GPM6B: variants seen among roughly 807,000 people sequenced by gnomAD.
The protein encoded by GPM6B is neuronal membrane glycoprotein M6-b.
In GPM6B, 4 loss-of-function variants were observed where a neutral mutation model predicts 27.2. The observed-to-expected ratio is 0.15, with a 90% CI of 0.07 to 0.34. GPM6B has a LOEUF of 0.34. Among genes scored for constraint, GPM6B ranks in the 10% least tolerant of loss-of-function variants. The pLI, the probability that GPM6B is intolerant of heterozygous loss-of-function variation, is 1.00. For synonymous variants in GPM6B, 124 were observed against 103.1 expected, an observed-to-expected ratio of 1.20 and a Z score of -1.23; for missense variants, 183 against 261.9, an observed-to-expected ratio of 0.70 and a Z score of 2.08.
At chrX:13,891,274 A>G (rs1385991592) in intron 1 of GPM6B, among the ~76,000 whole-genome samples, 2 of 111,182 alleles carry the variant, frequency 1.8e-5, no homozygotes, top group Non-Finnish European at 3.8e-5. Context: ...AACAAATCAG[A>G]ATCTGCATAT....
intron 2 of GPM6B, among the ~76,000 whole-genome samples, chrX:13,803,001 C>T (rs2048951477): frequency 8.9e-6 from 1 of 111,898 alleles, no homozygotes; most frequent in Non-Finnish European, 1.9e-5. Flanking sequence ...TTTTCTTCCC[C>T]CTTAAAATAC....
At chrX:13,903,850 G>C (rs2050304438) in intron 1 of GPM6B, among the ~76,000 whole-genome samples, 1 of 111,770 alleles carries the variant, frequency 8.9e-6, no homozygotes, top group Non-Finnish European at 1.9e-5. Context: ...CTCATGCAGG[G>C]CTTTGAAGGC....
At chrX:13,789,411 G>C (rs1292097572) in intron 2 of GPM6B, among the ~76,000 whole-genome samples, 1 of 111,974 alleles carries the variant, frequency 8.9e-6, no homozygotes, top group African/African-American at 3.2e-5. Flanking sequence ...GAGGATATAG[G>C]TAATATAGGA....
intron 1 of GPM6B, among the ~76,000 whole-genome samples, chrX:13,831,485 A>C (rs1201598709): frequency 9.0e-6 from 1 of 110,837 alleles, no homozygotes; most frequent in Non-Finnish European, 1.9e-5. Context: ...TTATAAGGAA[A>C]AAAGAACATC....
At chrX:13,852,836 T>C (rs182702544) in intron 1 of GPM6B, among the ~76,000 whole-genome samples, 2 of 104,669 alleles carry the variant, frequency 1.9e-5, no homozygotes, top group African/African-American at 7.0e-5. Context: ...TGCAGTGGCA[T>C]GACCATGGCT....
intron 1 of GPM6B, among the ~76,000 whole-genome samples, chrX:13,927,033 G>A (rs1371344444): frequency 9.0e-6 from 1 of 111,346 alleles, no homozygotes; most frequent in Non-Finnish European, 1.9e-5. Context: ...TTTTAACTAA[G>A]GATTAGTATA....
At chrX:13,822,436 G>A (rs1409232733) in intron 1 of GPM6B, among the ~76,000 whole-genome samples, 2 of 110,467 alleles carry the variant, frequency 1.8e-5, no homozygotes, top group East Asian at 5.6e-4. Flanking sequence ...TGCAATCTCG[G>A]CTCACTGTAA....
At chrX:13,924,066 T>C (rs1457452161) in intron 1 of GPM6B, among the ~76,000 whole-genome samples, 2 of 111,763 alleles carry the variant, frequency 1.8e-5, no homozygotes, top group East Asian at 5.6e-4. Flanking sequence ...CCTTGTTGAC[T>C]ATCCTCAATG....
intron 2 of GPM6B, among the ~76,000 whole-genome samples, chrX:13,786,529 C>T (rs1447119703): frequency 9.0e-6 from 1 of 110,647 alleles, no homozygotes; most frequent in East Asian, 2.8e-4. Flanking sequence ...TGCTTCCCCC[C>T]AGCCCAGTCA....
chrX:13,782,940 G>A (rs1458761882), intron 4 of GPM6B, among the ~76,000 whole-genome samples: 1 of 111,468 alleles, frequency 9.0e-6, no homozygotes, highest in Non-Finnish European at 1.9e-5. Flanking sequence ...AGCCCAGCTA[G>A]GCGCTCTGTA....
intron 2 of GPM6B, among the ~76,000 whole-genome samples, chrX:13,800,394 T>C (rs1463305859): frequency 6.2e-5 from 7 of 112,247 alleles, no homozygotes; most frequent in Non-Finnish European, 1.9e-5. Context: ...CGAGATAATA[T>C]ACATTTTTGT....
intron 4 of GPM6B, 138 bp from the exon 5 acceptor site, chrX:13,780,127 G>T: frequency 2.2e-6 from 1 of 452,832 alleles, no homozygotes; most frequent in Non-Finnish European, 3.5e-6. Context: ...GGCATTGGTA[G>T]CAAGAAGGAA....
intron 1 of GPM6B, among the ~76,000 whole-genome samples, chrX:13,936,339 TG>T (rs1234335497): frequency 8.9e-6 from 1 of 112,303 alleles, no homozygotes; most frequent in Non-Finnish European, 1.9e-5. Context: ...CCTTAAAATT[TG>T]AGTCTGAAGG....
At chrX:13,773,054 T>TG in intron 7 of GPM6B, 24 bp from the exon 8 acceptor site, 1 of 1,197,812 alleles carries the variant, frequency 8.3e-7, no homozygotes. Flanking sequence ...GTGAGCATGA[T>TG]GGCTAGTGAG....
intron 7 of GPM6B, among the ~76,000 whole-genome samples, chrX:13,775,983 T>C (rs1337621945): frequency 1.8e-5 from 2 of 112,778 alleles, no homozygotes; most frequent in Non-Finnish European, 3.7e-5. Flanking sequence ...GGTAATATGC[T>C]AGGCCTAGTT....
chrX:13,862,847 C>T (rs1284672359), intron 1 of GPM6B, among the ~76,000 whole-genome samples: 2 of 94,119 alleles, frequency 2.1e-5, no homozygotes, highest in African/African-American at 3.9e-5. Flanking sequence ...CCACCATGCC[C>T]GGCTAACTTT....
intron 2 of GPM6B, among the ~76,000 whole-genome samples, chrX:13,794,186 CTTTTTTT>C (rs373995174): frequency 5.0e-5 from 5 of 100,520 alleles, no homozygotes; most frequent in African/African-American, 1.8e-4. Flanking sequence ...CTCTCTCTCT[CTTTTTTT>C]TTTTTTTCCC....
chrX:13,775,883 T>C (rs2048404013), intron 7 of GPM6B, among the ~76,000 whole-genome samples: 1 of 112,398 alleles, frequency 8.9e-6, no homozygotes, highest in Non-Finnish European at 1.9e-5. Context: ...TGTAAATTAA[T>C]ATCCCTTGGC....
intron 1 of GPM6B, among the ~76,000 whole-genome samples, chrX:13,810,053 G>A (rs941958048): frequency 9.0e-6 from 1 of 110,723 alleles, no homozygotes; most frequent in African/African-American, 3.3e-5. Flanking sequence ...GGGAGGTGGA[G>A]GTTGCAGTGA....
Sources: gnomAD v4.1 joint callset for allele counts (sites outside exome capture counted in the v4.1 genomes callset) on GRCh38, gnomAD v4.1.1 for gene constraint, MANE v1.5 for transcripts, NCBI Gene and HGNC (gene_info 2026-07-23, HGNC 2026-07-21) for gene names.